Variants in SPATA45 observed in about 807,000 individuals in gnomAD.
SPATA45 encodes the protein spermatogenesis-associated protein 45.
In SPATA45, 5 loss-of-function variants were observed where a neutral mutation model predicts 7.0. The observed-to-expected ratio is 0.71, with a 90% CI of 0.37 to 1.50. The LOEUF (loss-of-function observed/expected upper bound fraction) is 1.50. Among genes scored for constraint, SPATA45 ranks in the 40% most tolerant of loss-of-function variants. The probability of loss-of-function intolerance (pLI) is 0.03; values close to 1 mark genes in which losing one functional copy is unlikely to be tolerated. For missense variants in SPATA45, 111 were observed against 114.9 expected (o/e 0.97, Z 0.16); for synonymous variants, 40 against 38.7 (o/e 1.03, Z -0.13).
chr1:212,840,236 C>A (rs1438426779), intron 1 of SPATA45, among the ~76,000 whole-genome samples: 2 of 145,914 alleles, frequency 1.4e-5, no homozygotes, highest in African/African-American at 4.9e-5. Flanking sequence ...CATGGTGAAA[C>A]CCCGTCTTTA....
At position 212,836,070 on chromosome 1, in the gene SPATA45, T is replaced by C; in HGVS notation, c.80A>G (p.Lys27Arg). 3.1e-6 allele frequency: 5 copies of C among 1,609,612 alleles called. No individual in the cohort carries two copies. The highest frequency in any genetic ancestry group is 4.3e-6 in the Non-Finnish European group (5 of 1,176,322). Residue 27 changes from lysine (K) to arginine (R), a missense_variant, in exon 2 of 3, where the codon AAA becomes AGA. Coordinates refer to ENST00000332912, the MANE Select transcript of SPATA45 (RefSeq NM_001024601.3). Reference sequence around the variant, plus strand: ...CACCAAGCAGTTGGATTCACGCTTTTTGTTTATCTCCTCCAGGAGATGTTG... The same window carrying C: ...CACCAAGCAGTTGGATTCACGCTTTCTGTTTATCTCCTCCAGGAGATGTTG... ...SKQHLLEEIN[K>R]KRESNCLVER...
At chr1:212,832,336 C>G (rs1240748935) in intron 2 of SPATA45, among the ~76,000 whole-genome samples, 2 of 140,042 alleles carry the variant, frequency 1.4e-5, no homozygotes, top group African/African-American at 5.2e-5. Flanking sequence ...GTTTATCTGG[C>G]TCTCTACCCA....
intron 2 of SPATA45, among the ~76,000 whole-genome samples, chr1:212,831,548 G>A (rs1286942643): frequency 6.6e-6 from 1 of 150,872 alleles, no homozygotes; most frequent in Non-Finnish European, 1.5e-5. Context: ...TTGAACCCAG[G>A]TGTTTTTAAT....
intron 2 of SPATA45, among the ~76,000 whole-genome samples, chr1:212,834,031 G>A (rs1207624935): frequency 6.6e-6 from 1 of 151,718 alleles, no homozygotes; most frequent in East Asian, 1.9e-4. Flanking sequence ...TTATAGGCAT[G>A]AGCCACCTTG....
At chr1:212,844,091 G>C (rs1033592816) in intron 1 of SPATA45, among the ~76,000 whole-genome samples, 9 of 152,158 alleles carry the variant, frequency 5.9e-5, no homozygotes, top group African/African-American at 2.2e-4. Flanking sequence ...AAAGTGCAGG[G>C]CTGTGTGGTC....
intron 1 of SPATA45, among the ~76,000 whole-genome samples, chr1:212,839,773 T>C (rs2102511885): frequency 6.6e-6 from 1 of 151,726 alleles, no homozygotes; most frequent in South Asian, 2.1e-4. Context: ...TTTATTATCT[T>C]AATTGTGGTG....
At chr1:212,839,301 C>G (rs1023837196) in intron 1 of SPATA45, among the ~76,000 whole-genome samples, 1 of 148,792 alleles carries the variant, frequency 6.7e-6, no homozygotes, top group Admixed American at 6.7e-5. Context: ...GTATAGTGTA[C>G]GATTCCATGC....
intron 2 of SPATA45, among the ~76,000 whole-genome samples, chr1:212,833,876 G>A (rs1405279819): frequency 6.6e-6 from 1 of 151,828 alleles, no homozygotes; most frequent in African/African-American, 2.4e-5. Context: ...TGGCACAAGA[G>A]GCCTGGCTTT....
intron 1 of SPATA45, among the ~76,000 whole-genome samples, chr1:212,844,709 T>C (rs960634738): frequency 4.6e-5 from 7 of 152,218 alleles, no homozygotes; most frequent in Admixed American, 2.6e-4. Flanking sequence ...TCAATATTTA[T>C]ACTGACTCTA....
chr1:212,835,984 G>T lies in SPATA45; in HGVS notation c.166C>A (p.Gln56Lys), dbSNP rs1336172205. ...TTGGTTGTGGTATCAGTAAAGGACT[G>T]ATAGGCATCCGGGAAGTGCCTCTTT... ...VQKRHFPDAYQSFTDTTTKEP... is the reference protein window; with the variant it reads ...VQKRHFPDAYKSFTDTTTKEP... Residue 56 changes from glutamine (Q) to lysine (K), a missense_variant, in exon 2 of 3, where the codon CAG becomes AAG. Gln to Lys is a moderately conservative substitution (Grantham distance 53). Transcript: ENST00000332912. 6.2e-7 allele frequency: 1 copy of T among 1,611,014 alleles called. No homozygotes were observed. The highest frequency in any genetic ancestry group is 2.2e-5 in the East Asian group (1 of 44,824).
intron 1 of SPATA45, among the ~76,000 whole-genome samples, chr1:212,837,582 G>A (rs1274230578): frequency 6.6e-6 from 1 of 151,512 alleles, no homozygotes; most frequent in Non-Finnish European, 1.5e-5. Flanking sequence ...GCAGTGAGCT[G>A]AGATCACGCG....
In SPATA45 at chr1:212,839,298, G is replaced by A. The variant is rs374099031; in HGVS notation, c.-38-3111C>T. The stretch of plus-strand genomic sequence containing the variant: ...AGCCAGACAAATCAGAATGTATAGT[G>A]TACGATTCCATGCATATAAAACTCT... On this transcript the variant is annotated intron_variant, in intron 1 of 2. Transcript: ENST00000332912. 1.5e-3 allele frequency among the ~76,000 whole-genome samples: 220 copies of A among 150,260 alleles called. 15 individuals are homozygous for A. The South Asian group carries it at 0.046, about 31-fold the overall frequency.
In SPATA45 at chr1:212,845,191, G is replaced by A. The variant is rs192324204; in HGVS notation, c.-39+2389C>T. ...TAGAACCTCTCATTTCCTTTCTATC[G>A]TGAAAATCTATCCTCAAGAAAATCA... On this transcript the variant is annotated intron_variant, in intron 1 of 2. Transcript: ENST00000332912. 1.0e-3 allele frequency among the ~76,000 whole-genome samples: 154 copies of A among 152,100 alleles called. 2 individuals carry two copies. The highest frequency in any genetic ancestry group is 3.6e-3 in the African/African-American group (151 of 41,484).
At chr1:212,847,352 A>G (rs1663818310) in intron 1 of SPATA45, among the ~76,000 whole-genome samples, 1 of 152,098 alleles carries the variant, frequency 6.6e-6, no homozygotes, top group South Asian at 2.1e-4. Flanking sequence ...TGGTTTCCAT[A>G]TTGCTTTTGC....
Position 212,836,173 on chromosome 1 carries a change from G to A in SPATA45, c.-24C>T, listed in dbSNP as rs1663581766. The A allele has an allele frequency of 6.3e-7, 1 of 1,577,486 alleles. No homozygotes were observed. Among genetic ancestry groups the A allele is most frequent in the Non-Finnish European group, 8.7e-7 (1 of 1,152,008 alleles). The stretch of plus-strand genomic sequence containing the variant: ...ATTATGGTCACAAACCAATTGTCAA[G>A]TGATTCTTGCTGTCCTACAAACAAA... On this transcript the variant is annotated 5_prime_UTR_variant, in exon 2 of 3. Transcript: ENST00000332912.
intron 2 of SPATA45, among the ~76,000 whole-genome samples, chr1:212,830,541 G>A (rs1462488552): frequency 3.3e-5 from 5 of 150,068 alleles, no homozygotes; most frequent in South Asian, 2.1e-4. Context: ...GCGTCGTGGC[G>A]CGCTCCTGTA....
In SPATA45 at chr1:212,831,734, C is replaced by T. The variant is rs1156625711; in HGVS notation, c.278-1473G>A. On this transcript the variant is annotated intron_variant, in intron 2 of 2. Coordinates refer to ENST00000332912, the MANE Select transcript of SPATA45 (RefSeq NM_001024601.3). ...CAAATACTCTATGCAAAATCTGTAA[C>T]ATTACTTCCCCTCAACACACAGGCC... is the stretch of plus-strand genomic sequence containing the variant. Among the ~76,000 whole-genome samples the T allele has an allele frequency of 3.3e-5, 5 of 151,234 alleles. 1 individual carries two copies. Among genetic ancestry groups the T allele is most frequent in the Middle Eastern group, 3.2e-3 (1 of 314 alleles).
intron 1 of SPATA45, among the ~76,000 whole-genome samples, chr1:212,837,033 T>C (rs1663599117): frequency 6.7e-6 from 1 of 150,284 alleles, no homozygotes; most frequent in Non-Finnish European, 1.5e-5. Context: ...AAACAAAGGT[T>C]AAAAAGATAT....
At chr1:212,837,716 C>G (rs1386199281) in intron 1 of SPATA45, among the ~76,000 whole-genome samples, 2 of 151,824 alleles carry the variant, frequency 1.3e-5, no homozygotes, top group African/African-American at 4.8e-5. Context: ...GTGGGAGGAT[C>G]ACTTAAGCCT....
Sources: gnomAD v4.1 joint callset for allele counts (sites outside exome capture counted in the v4.1 genomes callset) on GRCh38, gnomAD v4.1.1 for gene constraint, MANE v1.5 for transcripts, NCBI Gene and HGNC (gene_info 2026-07-23, HGNC 2026-07-21) for gene names.